Variants in HMGA2 observed in about 807,000 individuals in gnomAD.
HMGA2 encodes the protein high mobility group protein HMGI-C.
In HMGA2, 8 loss-of-function variants were observed where a neutral mutation model predicts 19.1. The observed-to-expected ratio is 0.42, with a 90% CI of 0.25 to 0.76. HMGA2 has a LOEUF of 0.76. Ranked by LOEUF, HMGA2 falls within the 30% of genes least tolerant of loss-of-function variation. HMGA2 has a pLI of 0.28. For synonymous variants in HMGA2, 60 were observed against 48.8 expected, an observed-to-expected ratio of 1.23 and a Z score of -0.96; for missense variants, 109 against 136.3, an observed-to-expected ratio of 0.80 and a Z score of 1.00.
intron 3 of HMGA2, among the ~76,000 whole-genome samples, chr12:65,941,881 T>C (rs1231516514): frequency 2.0e-5 from 3 of 152,218 alleles, no homozygotes; most frequent in African/African-American, 7.2e-5. Flanking sequence ...TTAAAAATCA[T>C]ATTTTTCTGT....
At chr12:65,890,996 G>A (rs1873881421) in intron 3 of HMGA2, among the ~76,000 whole-genome samples, 1 of 152,140 alleles carries the variant, frequency 6.6e-6, no homozygotes, top group Non-Finnish European at 1.5e-5. Flanking sequence ...CTCCCAAAGT[G>A]CTGGGATTAT....
At position 65,824,713 on chromosome 12, in the gene HMGA2, T is replaced by TTCTCTCTCTCTCTCTCTCTG. The variant is rs1870024211; in HGVS notation, c.-539_-538insGTCTCTCTCTCTCTCTCTCT. ...CCAAGGCACTTTCAATCTCAATCTC[T>TTCTCTCTCTCTCTCTCTCTG]TCTCTCTCTCTCTCTCTCTCTCTCT... is the stretch of plus-strand genomic sequence containing the variant. On this transcript the variant is annotated 5_prime_UTR_variant, in exon 1 of 5. Transcript: ENST00000403681. 2 of 129,124 alleles carry TTCTCTCTCTCTCTCTCTCTG rather than the reference T, an allele frequency of 1.5e-5. No homozygotes were observed. The highest frequency in any genetic ancestry group is 7.0e-5 in the African/African-American group (2 of 28,600). 8.0% of individuals were successfully genotyped at this position (129,124 alleles called of 1,614,324 possible). A position where few individuals can be genotyped will look rare whatever the true frequency, so the allele number is the denominator to read the frequency against.
rs145260960 is a variant in HMGA2, at chr12:65,831,917, A to G, written c.198+3830A>G. On this transcript the variant is annotated intron_variant, in intron 2 of 4. Coordinates refer to ENST00000403681, the MANE Select transcript of HMGA2 (RefSeq NM_003483.6). Reference sequence around the variant, plus strand: ...TATTATTGGTGAGTTAAGGAAAGGTAACTTTGGAAGTTATCATATAATTCT... The same window carrying G: ...TATTATTGGTGAGTTAAGGAAAGGTGACTTTGGAAGTTATCATATAATTCT... 2.3e-4 allele frequency among the ~76,000 whole-genome samples: 35 copies of G among 152,094 alleles called. No individual in the cohort carries two copies. In the East Asian group the frequency reaches 6.2e-3, roughly 27 times the overall value.
intron 3 of HMGA2, chr12:65,915,618 T>C (rs757110652): frequency 6.0e-4 from 560 of 930,034 alleles, no homozygotes; most frequent in Non-Finnish European, 6.8e-4. Flanking sequence ...TTATCCTCTG[T>C]GCAGTTTGTC....
intron 3 of HMGA2, among the ~76,000 whole-genome samples, chr12:65,849,734 G>GTTTTTTTTTTTTT: frequency 9.8e-6 from 1 of 102,036 alleles, no homozygotes; most frequent in Non-Finnish European, 1.7e-5. Flanking sequence ...GGTAGGCTCT[G>GTTTTTTTTTTTTT]TATTTTTTTT....
intron 3 of HMGA2, among the ~76,000 whole-genome samples, chr12:65,864,502 T>G (rs911097959): frequency 6.6e-6 from 1 of 152,226 alleles, no homozygotes; most frequent in African/African-American, 2.4e-5. Flanking sequence ...CACTGTTGAC[T>G]ATTTTGTAGA....
chr12:65,963,209 A>T, intron 4 of HMGA2, 36 bp from the exon 5 acceptor site: 1 of 1,606,336 alleles, frequency 6.2e-7, no homozygotes, highest in Non-Finnish European at 8.5e-7. Flanking sequence ...CAGTATAACG[A>T]TTGAGCGTCA....
intron 3 of HMGA2, among the ~76,000 whole-genome samples, chr12:65,841,564 C>T (rs1397611918): frequency 1.3e-5 from 2 of 152,176 alleles, no homozygotes; most frequent in South Asian, 2.1e-4. Context: ...TAAATCATTG[C>T]GTTTTCCATA....
At chr12:65,848,846 G>A (rs572980829) in intron 3 of HMGA2, among the ~76,000 whole-genome samples, 1 of 152,012 alleles carries the variant, frequency 6.6e-6, no homozygotes, top group African/African-American at 2.4e-5. Flanking sequence ...CTGGGCGACA[G>A]AGCGAGACTC....
At chr12:65,852,486 G>A (rs535204400) in intron 3 of HMGA2, among the ~76,000 whole-genome samples, 3 of 152,244 alleles carry the variant, frequency 2.0e-5, no homozygotes. Context: ...CTGGGTGACA[G>A]AGCGAGACTC....
At chr12:65,923,014 C>T (rs1201849300) in intron 3 of HMGA2, among the ~76,000 whole-genome samples, 1 of 152,100 alleles carries the variant, frequency 6.6e-6, no homozygotes, top group Non-Finnish European at 1.5e-5. Flanking sequence ...ATTTTTCTTC[C>T]CAGTCTTGGG....
chr12:65,861,255 A>T (rs907281784), intron 3 of HMGA2, among the ~76,000 whole-genome samples: 5 of 152,128 alleles, frequency 3.3e-5, no homozygotes, highest in African/African-American at 1.2e-4. Context: ...GGTCCCAGCT[A>T]CTTGGGAGGC....
chr12:65,866,539 ATGAG>A (rs1284519973), intron 3 of HMGA2, among the ~76,000 whole-genome samples: 1 of 152,144 alleles, frequency 6.6e-6, no homozygotes, highest in Non-Finnish European at 1.5e-5. Context: ...CCCCTCGGTT[ATGAG>A]TGTGACAAGG....
At chr12:65,958,315 C>T (rs1186361592) in intron 4 of HMGA2, 1 of 152,196 alleles carries the variant, frequency 6.6e-6, no homozygotes, top group Non-Finnish European at 1.5e-5. Flanking sequence ...AACTTATTGT[C>T]TCCTTTTGAA....
intron 3 of HMGA2, among the ~76,000 whole-genome samples, chr12:65,889,952 A>T (rs993914782): frequency 3.9e-5 from 6 of 152,170 alleles, no homozygotes; most frequent in Non-Finnish European, 8.8e-5. Context: ...CTTATTCCCT[A>T]AAGACAGTCC....
intron 3 of HMGA2, among the ~76,000 whole-genome samples, chr12:65,897,698 G>A (rs1203496350): frequency 1.3e-5 from 2 of 152,194 alleles, no homozygotes; most frequent in Non-Finnish European, 2.9e-5. Flanking sequence ...GGTGGCTCAC[G>A]CCTGTAATCC....
intron 3 of HMGA2, among the ~76,000 whole-genome samples, chr12:65,922,508 C>A (rs1276845916): frequency 6.6e-6 from 1 of 152,118 alleles, no homozygotes; most frequent in Non-Finnish European, 1.5e-5. Context: ...ATACCTGTAC[C>A]CCCATTGTAT....
At chr12:65,912,612 T>C (rs746824997) in intron 3 of HMGA2, among the ~76,000 whole-genome samples, 5 of 152,200 alleles carry the variant, frequency 3.3e-5, no homozygotes, top group African/African-American at 4.8e-5. Flanking sequence ...GTGATTCACA[T>C]TGAAGTTAAA....
chr12:65,935,438 A>G (rs1370462468), intron 3 of HMGA2, among the ~76,000 whole-genome samples: 1 of 152,186 alleles, frequency 6.6e-6, no homozygotes, highest in Non-Finnish European at 1.5e-5. Context: ...AAATATCTGC[A>G]TAATTGCAGT....
Sources: gnomAD v4.1 joint callset for allele counts (sites outside exome capture counted in the v4.1 genomes callset) on GRCh38, gnomAD v4.1.1 for gene constraint, MANE v1.5 for transcripts, NCBI Gene and HGNC (gene_info 2026-07-23, HGNC 2026-07-21) for gene names.